The following TULP4 variants were observed in gnomAD, a reference collection of about 807,000 sequenced individuals.
TULP4 encodes TUB like protein 4, also known as tubby-related protein 4.
Under a neutral mutation model 129.0 loss-of-function variants are expected in TULP4, and 16 were observed. The observed-to-expected ratio is 0.12, with a 90% CI of 0.08 to 0.19. The LOEUF (loss-of-function observed/expected upper bound fraction) is 0.19, where lower values mean the gene tolerates loss of function less well. TULP4 is among the 10% of genes least tolerant of loss of function. The probability of loss-of-function intolerance (pLI) is 1.00; values close to 1 mark genes in which losing one functional copy is unlikely to be tolerated. For synonymous variants in TULP4, 998 were observed against 854.0 expected (o/e 1.17, Z -2.94); for missense variants, 1,842 against 2,059.1 (o/e 0.89, Z 2.04).
chr6:158,309,258 G>A (rs1427015961), upstream of TULP4, among the ~76,000 whole-genome samples: 5 of 137,178 alleles, frequency 3.6e-5, no homozygotes, highest in Admixed American at 1.4e-4. Flanking sequence ...AGACGGGGTC[G>A]CGGCCGGGCA....
rs10650311 is a variant in TULP4 at position 158,388,322 on chromosome 6, CTTTTTTTTTTTTTTTTT to C, written c.253-24734_253-24718del. On this transcript the variant is annotated intron_variant, in intron 1 of 13. Coordinates refer to ENST00000367097, the MANE Select transcript of TULP4 (RefSeq NM_020245.5). Reference sequence around the variant, plus strand: ...AAAGAAAAATAATCTGCTCGTTTTTCTTTTTTTTTTTTTTTTTTTTTTTTTGAGACGGAGTCTCACTC... The same window carrying C: ...AAAGAAAAATAATCTGCTCGTTTTTCTTTTTTTTGAGACGGAGTCTCACTC... Among the ~76,000 whole-genome samples the C allele has an allele frequency of 9.0e-4, 78 of 86,270 alleles. 1 individual carries two copies. Among genetic ancestry groups the C allele is most frequent in the African/African-American group, 3.6e-3 (73 of 20,186 alleles). 56.6% of individuals were successfully genotyped at this position (86,270 alleles called of 152,430 possible).
At chr6:158,462,783 C>G (rs1244096976) in intron 6 of TULP4, among the ~76,000 whole-genome samples, 2 of 110,038 alleles carry the variant, frequency 1.8e-5, no homozygotes, top group Non-Finnish European at 3.6e-5. Flanking sequence ...GAGTTTCACT[C>G]TTGTTGCCCA....
chr6:158,341,120 T>A (rs73017801), intron 1 of TULP4, among the ~76,000 whole-genome samples: 2,570 of 152,258 alleles, frequency 0.017, 23 homozygotes, highest in Non-Finnish European at 0.024. Flanking sequence ...TAACTGTCAT[T>A]CTACTCAGAA....
chr6:158,501,783 T>C lies in TULP4; in HGVS notation c.2120T>C (p.Ile707Thr), dbSNP rs745584739. Residue 707 changes from isoleucine (I) to threonine (T), a missense_variant, in exon 13 of 14, where the codon ATA becomes ACA. Around this residue, in one of 5 missense-constraint regions of TULP4, gnomAD observed 99 missense variants for 165.1 expected, o/e 0.60. Transcript: ENST00000367097. The stretch of plus-strand genomic sequence containing the variant: ...CAGGCTATGTCCCCCACGCAGAGCA[T>C]AGGGCTGGTGCAGTCCCTACTGGCC... ...SAQAMSPTQS[I>T]GLVQSLLANQ... 6 of 1,614,132 alleles carry C rather than the reference T, an allele frequency of 3.7e-6. No homozygotes were observed. The highest frequency in any genetic ancestry group is 2.2e-5 in the South Asian group (2 of 91,080).
intron 3 of TULP4, among the ~76,000 whole-genome samples, chr6:158,447,337 G>A (rs1164588082): frequency 6.6e-6 from 1 of 152,026 alleles, no homozygotes; most frequent in Non-Finnish European, 1.5e-5. Flanking sequence ...GAATTTCATG[G>A]TGTTCCTAGT....
intron 1 of TULP4, among the ~76,000 whole-genome samples, chr6:158,345,593 G>A (rs1209452931): frequency 1.3e-5 from 2 of 152,136 alleles, no homozygotes; most frequent in Non-Finnish European, 2.9e-5. Context: ...AAGGGGAGTG[G>A]GTGTAAGAAC....
At chr6:158,241,509 A>G (rs1481792078) in intron 1 of TULP4, among the ~76,000 whole-genome samples, 2 of 151,928 alleles carry the variant, frequency 1.3e-5, no homozygotes, top group Non-Finnish European at 2.9e-5. Flanking sequence ...TCGGGAGGCC[A>G]AGGCTGGCGG....
intron 3 of TULP4, among the ~76,000 whole-genome samples, chr6:158,445,966 A>G (rs773043246): frequency 5.3e-5 from 8 of 152,330 alleles, no homozygotes; most frequent in East Asian, 1.9e-4. Context: ...CCTGGGGAGC[A>G]CTAGCACGGA....
At chr6:158,321,206 C>T (rs1168249787) in intron 1 of TULP4, among the ~76,000 whole-genome samples, 1 of 152,104 alleles carries the variant, frequency 6.6e-6, no homozygotes, top group Non-Finnish European at 1.5e-5. Flanking sequence ...TCAGTAGCAT[C>T]AGTAGAATTG....
At chr6:158,257,209 A>G (rs543119795) in intron 1 of TULP4, among the ~76,000 whole-genome samples, 4 of 152,138 alleles carry the variant, frequency 2.6e-5, no homozygotes, top group Admixed American at 2.6e-4. Context: ...CTCCCTCCCA[A>G]AAAACAAAAA....
At chr6:158,415,413 G>C (rs889505495) in intron 2 of TULP4, among the ~76,000 whole-genome samples, 137 of 147,658 alleles carry the variant, frequency 9.3e-4, no homozygotes, top group African/African-American at 2.9e-3. Flanking sequence ...GCAGGGGCAC[G>C]ATCTCAACTC....
intron 1 of TULP4, among the ~76,000 whole-genome samples, chr6:158,266,531 T>C (rs1037925329): frequency 6.6e-6 from 1 of 152,180 alleles, no homozygotes; most frequent in Non-Finnish European, 1.5e-5. Flanking sequence ...GCTGGGATTA[T>C]AGGTGTGAGC....
At chr6:158,414,698 T>C (rs1391636980) in intron 2 of TULP4, among the ~76,000 whole-genome samples, 1 of 152,188 alleles carries the variant, frequency 6.6e-6, no homozygotes, top group African/African-American at 2.4e-5. Context: ...TGGGATTCTC[T>C]TCCCTAGAAA....
Position 158,494,730 on chromosome 6 carries a change from TTTTTC to T in TULP4, c.1777-15_1777-11del. ...TACGGAAATAGATTGTGATTCTTCT[TTTTTC>T]TTTTCTTCCTACCGCAGCACAACTA... On this transcript the variant is annotated intron_variant, in intron 10 of 13. Coordinates refer to ENST00000367097, the MANE Select transcript of TULP4 (RefSeq NM_020245.5). 6.3e-7 allele frequency: 1 copy of T among 1,595,970 alleles called. No individual in the cohort carries two copies. Among genetic ancestry groups the T allele is most frequent in the Non-Finnish European group, 8.6e-7 (1 of 1,167,426 alleles).
chr6:158,369,448 T>G (rs1034128343), intron 1 of TULP4, among the ~76,000 whole-genome samples: 3 of 152,150 alleles, frequency 2.0e-5, no homozygotes, highest in African/African-American at 2.4e-5. Context: ...GAAGTGAGCC[T>G]TGATTATGTC....
chr6:158,242,192 C>G, intron 1 of TULP4: 2 of 1,337,036 alleles, frequency 1.5e-6, no homozygotes, highest in Non-Finnish European at 2.1e-6. Flanking sequence ...TCAGTGTCTT[C>G]TGATAATGAA....
intron 6 of TULP4, among the ~76,000 whole-genome samples, chr6:158,464,546 G>A (rs962685474): frequency 1.3e-5 from 2 of 152,172 alleles, no homozygotes; most frequent in Non-Finnish European, 2.9e-5. Context: ...GTAGTGGCGC[G>A]ATCTCAGCTC....
rs113914160 is a variant in TULP4, at chr6:158,246,023, G to GGGGGGGGT, written n.68+13721_68+13722insGGGGGGTG. 4.8e-5 allele frequency among the ~76,000 whole-genome samples: 7 copies of GGGGGGGGT among 145,920 alleles called. No individual in the cohort carries two copies. In the East Asian group the frequency reaches 1.2e-3, roughly 25 times the overall value. On this transcript the variant is annotated intron_variant and non_coding_transcript_variant, in intron 1 of 1. Coordinates refer to the TULP4 transcript ENST00000620026. ...GTGAGTAATTTGCCTACCCCTTAGG[G>GGGGGGGGT]GTGTGTGTGTGTGTGTGTGTGTGTG...
intron 3 of TULP4, among the ~76,000 whole-genome samples, chr6:158,432,365 C>T (rs1436782033): frequency 2.0e-5 from 3 of 152,118 alleles, no homozygotes; most frequent in South Asian, 4.2e-4. Context: ...GTGGAAAGCG[C>T]ACCCCTGCAG....
Sources: allele counts gnomAD v4.1 joint callset (sites outside exome capture counted in the v4.1 genomes callset), GRCh38; gene constraint gnomAD v4.1.1; regional missense constraint gnomAD v4.1.1; transcripts MANE v1.5; gene names NCBI Gene and HGNC (gene_info 2026-07-23, HGNC 2026-07-21).